Variants in SORL1 observed in about 807,000 individuals in gnomAD.
SORL1 encodes the protein sortilin related receptor 1, also known as sortilin-related receptor.
In SORL1, 127 loss-of-function variants were observed where a neutral mutation model predicts 273.7. The observed-to-expected ratio is 0.46, with a 90% CI of 0.40 to 0.54. The LOEUF (loss-of-function observed/expected upper bound fraction) is 0.54, where lower values mean the gene tolerates loss of function less well. Ranked by LOEUF, SORL1 falls within the 20% of genes least tolerant of loss-of-function variation. SORL1 has a pLI of 0.00. For synonymous variants in SORL1, 1,031 were observed against 1,067.4 expected, an observed-to-expected ratio of 0.97 and a Z score of 0.66; for missense variants, 2,494 against 2,846.1, an observed-to-expected ratio of 0.88 and a Z score of 2.81.
At chr11:121,488,524 A>G (rs1441114192) in intron 4 of SORL1, among the ~76,000 whole-genome samples, 1 of 152,186 alleles carries the variant, frequency 6.6e-6, no homozygotes, top group African/African-American at 2.4e-5. Flanking sequence ...AGCCAGGTGG[A>G]GAAAGCTGGA....
rs1863205803 is a variant in SORL1, at chr11:121,591,054, T to C, written c.4267T>C (p.Tyr1423His). 10 of 1,614,234 alleles carry C rather than the reference T, an allele frequency of 6.2e-6. No homozygotes were observed. The highest frequency in any genetic ancestry group is 8.5e-6 in the Non-Finnish European group (10 of 1,180,036). The change falls in exon 31 of 48, where the codon TAC becomes CAC. Residue 1423 changes from tyrosine to histidine, a missense_variant. Around this residue, in one of 3 missense-constraint regions of SORL1, gnomAD observed 1,609 missense variants for 1,816.4 expected, o/e 0.89. Transcript: ENST00000260197. ...TGGGCCCTCCACGTGTCTGCCCAAT[T>C]ACTACCGCTGCAGCAGTGGGACCTG... is the stretch of plus-strand genomic sequence containing the variant. ...TPGPSTCLPN[Y>H]YRCSSGTCVM...
chr11:121,599,868 G>C (rs1863360256), intron 32 of SORL1, among the ~76,000 whole-genome samples: 1 of 151,694 alleles, frequency 6.6e-6, no homozygotes, highest in African/African-American at 2.4e-5. Context: ...ATGCCTGTTT[G>C]CTTTCCTGCA....
intron 11 of SORL1, among the ~76,000 whole-genome samples, chr11:121,528,431 C>A (rs1026708497): frequency 3.9e-5 from 6 of 152,108 alleles, no homozygotes; most frequent in African/African-American, 1.4e-4. Flanking sequence ...TGCACTCCAG[C>A]CTGGGTGACA....
rs145030556 is a variant in SORL1, at chr11:121,582,651, G to A, written c.3581-807G>A. 2.4e-3 allele frequency among the ~76,000 whole-genome samples: 359 copies of A among 152,304 alleles called. 1 individual carries two copies. The highest frequency in any genetic ancestry group is 4.8e-3 in the South Asian group (23 of 4,822). On this transcript the variant is annotated intron_variant, in intron 25 of 47. Transcript: ENST00000260197. ...TCAGCCCATGTGTGCAGAGGAGGCTGTTCATGTTTAACAGTGACTCTCTTT... is the reference window on the plus strand; with the variant it reads ...TCAGCCCATGTGTGCAGAGGAGGCTATTCATGTTTAACAGTGACTCTCTTT...
chr11:121,474,278 G>A (rs897508622), intron 2 of SORL1, among the ~76,000 whole-genome samples: 2 of 152,150 alleles, frequency 1.3e-5, no homozygotes, highest in South Asian at 2.1e-4. Context: ...GGTCCCATCC[G>A]GACTTCTTGA....
intron 26 of SORL1, among the ~76,000 whole-genome samples, chr11:121,585,837 CTG>C (rs1187508216): frequency 6.6e-6 from 1 of 151,852 alleles, no homozygotes; most frequent in Non-Finnish European, 1.5e-5. Context: ...TTATAGCTGT[CTG>C]TGTTCCAGTG....
chr11:121,580,537 T>G (rs1186660804), intron 25 of SORL1, among the ~76,000 whole-genome samples: 1 of 152,048 alleles, frequency 6.6e-6, no homozygotes, highest in East Asian at 1.9e-4. Context: ...TAATACTTTA[T>G]GTTTTTTCTT....
At chr11:121,611,006 AACTATTAAGTCC>A in intron 38 of SORL1, 58 bp from the exon 39 acceptor site, 2 of 1,043,752 alleles carry the variant, frequency 1.9e-6, no homozygotes, top group Non-Finnish European at 3.0e-6. Flanking sequence ...TTGAGTTGAA[AACTATTAAGTCC>A]TGCCTTCCTC....
chr11:121,472,452 C>T (rs957256807), intron 2 of SORL1, among the ~76,000 whole-genome samples: 3 of 152,274 alleles, frequency 2.0e-5, no homozygotes, highest in Admixed American at 6.5e-5. Context: ...GTGGGAAGGT[C>T]GGGGCTGATG....
At position 121,550,445 on chromosome 11, in the gene SORL1, G is replaced by A. The variant is rs180822749; in HGVS notation, c.2181-140G>A. 11 of 780,342 alleles carry A rather than the reference G, an allele frequency of 1.4e-5. No homozygotes were observed. Among genetic ancestry groups the A allele is most frequent in the African/African-American group, 8.6e-5 (5 of 58,454 alleles). The allele number at this position is 780,342 out of a possible 1,614,324, so 48.3% of individuals were successfully genotyped here. A position where few individuals can be genotyped will look rare whatever the true frequency, so the allele number is the denominator to read the frequency against. On this transcript the variant is annotated intron_variant, in intron 15 of 47. Transcript: ENST00000260197. The surrounding 1 kb of genome is among the most constrained non-coding windows in gnomAD (Gnocchi z 5.3). ...ATAAGGAGAACTGACTCAGAACTAC[G>A]AACATCCTCTTTCTAGTTCTAAAGA...
intron 3 of SORL1, among the ~76,000 whole-genome samples, chr11:121,482,425 T>C (rs1861405850): frequency 6.6e-6 from 1 of 152,172 alleles, no homozygotes; most frequent in African/African-American, 2.4e-5. Context: ...CTTGGAGAAT[T>C]TGTTGACAGT....
Position 121,627,726 on chromosome 11 carries a change from C to T in SORL1, c.6536C>T (p.Ser2179Phe), listed in dbSNP as rs1247702582. ...GCCTTCGCCAACAGCCACTACAGCTCCAGGCTGGGGTCCGCAATCTTCTCC... is the reference window on the plus strand; with the variant it reads ...GCCTTCGCCAACAGCCACTACAGCTTCAGGCTGGGGTCCGCAATCTTCTCC... ...FTAFANSHYS[S>F]RLGSAIFSSG... Residue 2179 changes from serine to phenylalanine, a missense_variant, in exon 47 of 48, where the codon TCC becomes TTC. By Grantham distance (155) the Ser-to-Phe change is radical. Transcript: ENST00000260197. The surrounding 1 kb of genome is among the most constrained non-coding windows in gnomAD (Gnocchi z 4.9). 1 of 1,614,106 alleles carries T rather than the reference C, an allele frequency of 6.2e-7. No homozygotes were observed. The highest frequency in any genetic ancestry group is 1.1e-5 in the South Asian group (1 of 91,076).
chr11:121,573,476 G>T (rs1862879211), intron 23 of SORL1, among the ~76,000 whole-genome samples: 1 of 152,150 alleles, frequency 6.6e-6, no homozygotes, highest in South Asian at 2.1e-4. Context: ...ACTGGGGCTG[G>T]TGGTGGGTGC....
At position 121,633,283 on chromosome 11, in the gene SORL1, G is replaced by A. The variant is rs373174782; in HGVS notation, c.*3720G>A. The A allele has an allele frequency of 5.9e-5, 9 of 152,096 alleles. No homozygotes were observed. The highest frequency in any genetic ancestry group is 1.4e-4 in the African/African-American group (6 of 41,392). 9.4% of individuals were successfully genotyped at this position (152,096 alleles called of 1,614,324 possible). ...GAGCAGCCATATTATGAATTAAATC[G>A]TCACAGCCAAGTAATAACCCAAGAA... is the stretch of plus-strand genomic sequence containing the variant. On this transcript the variant is annotated 3_prime_UTR_variant, in exon 48 of 48. Transcript: ENST00000260197.
chr11:121,532,923 A>G (rs1046266128), intron 12 of SORL1, among the ~76,000 whole-genome samples: 12 of 152,060 alleles, frequency 7.9e-5, no homozygotes, highest in Non-Finnish European at 1.6e-4. Flanking sequence ...ACCTCAGGTG[A>G]TCCACCTGCT....
At chr11:121,579,534 A>G (rs1271493202) in intron 25 of SORL1, among the ~76,000 whole-genome samples, 2 of 152,098 alleles carry the variant, frequency 1.3e-5, no homozygotes, top group African/African-American at 2.4e-5. Flanking sequence ...AAACGTGTAC[A>G]TCTGATTTCT....
Position 121,543,680 on chromosome 11 carries a change from T to C in SORL1, c.1818T>C (p.Asn606=), listed in dbSNP as rs1165033336. 1.9e-6 allele frequency: 3 copies of C among 1,614,124 alleles called. No individual in the cohort carries two copies. Among genetic ancestry groups the C allele is most frequent in the African/African-American group, 1.3e-5 (1 of 75,070 alleles). The change falls in exon 13 of 48, where the codon AAT becomes AAC. Residue 606 remains asparagine (N), a synonymous_variant. Transcript: ENST00000260197. ...CCATCTTTGGCTCGAACAAAGAGAA[T>C]GTCCACAGCTGGCTGATCCTCCAGG... ...VFTIFGSNKE[N]VHSWLILQVN...
intron 6 of SORL1, among the ~76,000 whole-genome samples, chr11:121,499,080 C>T (rs556551760): frequency 1.1e-4 from 17 of 152,256 alleles, no homozygotes; most frequent in African/African-American, 1.9e-4. Flanking sequence ...ATGTTTGATA[C>T]GCAGCAGATG....
In SORL1 at chr11:121,595,889, G is replaced by A. The variant is rs117239350; in HGVS notation, c.4519+117G>A. On this transcript the variant is annotated intron_variant, in intron 32 of 47. Coordinates refer to ENST00000260197, the MANE Select transcript of SORL1 (RefSeq NM_003105.6). The surrounding 1 kb of genome is among the most constrained non-coding windows in gnomAD (Gnocchi z 5.1). Reference sequence around the variant, plus strand: ...CCTGTGTGTGAGTCTGTGTACTTGCGTAACCATGCTCTTACTGCATTCTCC... The same window carrying A: ...CCTGTGTGTGAGTCTGTGTACTTGCATAACCATGCTCTTACTGCATTCTCC... The A allele has an allele frequency of 0.018, 19,923 of 1,122,368 alleles. 223 individuals are homozygous for A. Among genetic ancestry groups the A allele is most frequent in the Middle Eastern group, 0.044 (161 of 3,638 alleles). 69.5% of individuals were successfully genotyped at this position (1,122,368 alleles called of 1,614,324 possible).
Sources: allele counts gnomAD v4.1 joint callset (sites outside exome capture counted in the v4.1 genomes callset), GRCh38; gene constraint gnomAD v4.1.1; regional missense constraint gnomAD v4.1.1; non-coding constraint Gnocchi (gnomAD v3.1); transcripts MANE v1.5; gene names NCBI Gene and HGNC (gene_info 2026-07-23, HGNC 2026-07-21).